TUSC3: variants seen among roughly 807,000 people sequenced by gnomAD.
TUSC3 encodes the protein tumor suppressor candidate 3, also known as dolichyl-diphosphooligosaccharide--protein glycosyltransferase subunit TUSC3.
A neutral mutation model predicts 44.8 loss-of-function variants in TUSC3; 45 were observed. The ratio of observed to expected loss-of-function variants is 1.00; its 90% CI spans 0.79 to 1.29. The LOEUF is 1.29. Among genes scored for constraint, TUSC3 ranks in the 50% most tolerant of loss-of-function variants. The probability of loss-of-function intolerance (pLI) is 0.00; values close to 1 mark genes in which losing one functional copy is unlikely to be tolerated. For missense variants in TUSC3, 519 were observed against 437.9 expected (o/e 1.19, Z -1.65); for synonymous variants, 212 against 152.9 (o/e 1.39, Z -2.85).
intron 6 of TUSC3, chr8:15,689,048 G>A (rs917050277): frequency 2.5e-5 from 8 of 319,686 alleles, no homozygotes; most frequent in South Asian, 2.8e-5. Flanking sequence ...GGGATGACTC[G>A]TCAATGTCAT....
chr8:15,665,381 A>G (rs1427822546), intron 5 of TUSC3, among the ~76,000 whole-genome samples: 1 of 151,522 alleles, frequency 6.6e-6, no homozygotes, highest in Non-Finnish European at 1.5e-5. Context: ...TCTTTTTATC[A>G]CTGAACCTAT....
intron 2 of TUSC3, among the ~76,000 whole-genome samples, chr8:15,642,702 A>G (rs1192212209): frequency 1.3e-5 from 2 of 152,064 alleles, no homozygotes; most frequent in African/African-American, 4.8e-5. Flanking sequence ...ATATATATGA[A>G]TTTACTTAAC....
At chr8:15,741,886 T>TAGAAAACTG in intron 7 of TUSC3, among the ~76,000 whole-genome samples, 1 of 152,208 alleles carries the variant, frequency 6.6e-6, no homozygotes, top group Non-Finnish European at 1.5e-5. Context: ...CTATCTGCTC[T>TAGAAAACTG]AGAAAACTGA....
At chr8:15,811,587 G>A in the TUSC3 span, among the ~76,000 whole-genome samples, 18,096 of 152,214 alleles carry the variant, frequency 0.12, 1,158 homozygotes, top group South Asian at 0.21. Flanking sequence ...TTGCAGAACA[G>A]GCACAAAGAA....
At chr8:15,665,468 T>C (rs1020025366) in intron 5 of TUSC3, among the ~76,000 whole-genome samples, 1 of 150,998 alleles carries the variant, frequency 6.6e-6, no homozygotes. Context: ...AAGGCTCATA[T>C]TTTTTTTGTC....
intron 1 of TUSC3, among the ~76,000 whole-genome samples, chr8:15,552,300 A>T (rs1424272431): frequency 6.6e-6 from 1 of 151,748 alleles, no homozygotes; most frequent in East Asian, 1.9e-4. Context: ...GTCAACAAAT[A>T]TTTATTGGTG....
At chr8:15,738,992 C>G (rs1454144574) in intron 7 of TUSC3, among the ~76,000 whole-genome samples, 1 of 151,664 alleles carries the variant, frequency 6.6e-6, no homozygotes, top group African/African-American at 2.4e-5. Context: ...GCCACCATGC[C>G]TGGCTAATTT....
intron 2 of TUSC3, among the ~76,000 whole-genome samples, 184 bp from the exon 3 acceptor site, chr8:15,650,513 A>G (rs1806842285): frequency 6.6e-6 from 1 of 152,180 alleles, no homozygotes; most frequent in African/African-American, 2.4e-5. Context: ...TCAGAATTTG[A>G]ATTTTATGTA....
At chr8:15,453,988 T>A (rs1053187560) in intron 1 of TUSC3, among the ~76,000 whole-genome samples, 1 of 152,182 alleles carries the variant, frequency 6.6e-6, no homozygotes, top group African/African-American at 2.4e-5. Context: ...AGAGATTAAC[T>A]GGTATATTAC....
intron 4 of TUSC3, among the ~76,000 whole-genome samples, chr8:15,660,597 A>G (rs753077746): frequency 2.0e-5 from 3 of 151,980 alleles, no homozygotes; most frequent in Admixed American, 1.3e-4. Context: ...AATTTTTACT[A>G]TAAGATATAA....
At chr8:15,782,483 A>T in the TUSC3 span, among the ~76,000 whole-genome samples, 6 of 152,296 alleles carry the variant, frequency 3.9e-5, no homozygotes, top group African/African-American at 1.4e-4. Flanking sequence ...TGTCTCAAGA[A>T]TAAAAGAAAA....
At chr8:15,568,671 T>C (rs1195178126) in intron 1 of TUSC3, among the ~76,000 whole-genome samples, 3 of 151,842 alleles carry the variant, frequency 2.0e-5, no homozygotes, top group African/African-American at 7.3e-5. Flanking sequence ...GGTATAATCT[T>C]AGCGCACTGC....
intron 6 of TUSC3, among the ~76,000 whole-genome samples, chr8:15,720,201 T>TATACACACAC (rs369753796): frequency 6.6e-4 from 94 of 141,694 alleles, no homozygotes; most frequent in East Asian, 2.1e-3. Flanking sequence ...TATATATATA[T>TATACACACAC]ACACACACAC....
At chr8:15,460,276 C>A (rs1202816224) in intron 1 of TUSC3, among the ~76,000 whole-genome samples, 1 of 152,010 alleles carries the variant, frequency 6.6e-6, no homozygotes, top group African/African-American at 2.4e-5. Flanking sequence ...ATTTGCAGTT[C>A]CCTGATTGTT....
At chr8:15,478,181 G>T (rs947504616) in intron 1 of TUSC3, among the ~76,000 whole-genome samples, 1 of 152,074 alleles carries the variant, frequency 6.6e-6, no homozygotes, top group Non-Finnish European at 1.5e-5. Flanking sequence ...GGCCAGGCTG[G>T]TCTCAAAGTC....
At chr8:15,451,935 A>G (rs936750120) in intron 1 of TUSC3, among the ~76,000 whole-genome samples, 5 of 152,098 alleles carry the variant, frequency 3.3e-5, no homozygotes, top group Non-Finnish European at 7.4e-5. Context: ...TTTTTTTGCT[A>G]TACAGTAGCA....
chr8:15,657,096 C>T lies in TUSC3; in HGVS notation c.427-2411C>T, dbSNP rs1391083495. Among the ~76,000 whole-genome samples the T allele has an allele frequency of 2.0e-5, 3 of 152,168 alleles. No individual in the cohort carries two copies. In the East Asian group the frequency reaches 5.8e-4, roughly 29 times the overall value. Reference sequence around the variant, plus strand: ...GCTCTGAAATGCCTTCAGGGTCTTTCTCCCATTTTCTTGATGAGTAATACC... The same window carrying T: ...GCTCTGAAATGCCTTCAGGGTCTTTTTCCCATTTTCTTGATGAGTAATACC... On this transcript the variant is annotated intron_variant, in intron 3 of 10. Coordinates refer to ENST00000503731, the MANE Select transcript of TUSC3 (RefSeq NM_006765.4).
chr8:15,626,121 T>C (rs2129165890), intron 2 of TUSC3, among the ~76,000 whole-genome samples: 1 of 152,244 alleles, frequency 6.6e-6, no homozygotes, highest in East Asian at 1.9e-4. Context: ...CTGTGCCCTG[T>C]GTCCCCAAGG....
chr8:15,485,031 G>T (rs765504492), intron 2 of TUSC3, among the ~76,000 whole-genome samples: 3 of 152,108 alleles, frequency 2.0e-5, no homozygotes, highest in South Asian at 2.1e-4. Flanking sequence ...GTCATCCTCT[G>T]CCCTAAGTGT....
Sources: gnomAD v4.1 joint callset for allele counts (sites outside exome capture counted in the v4.1 genomes callset) on GRCh38, gnomAD v4.1.1 for gene constraint, MANE v1.5 for transcripts, NCBI Gene and HGNC (gene_info 2026-07-23, HGNC 2026-07-21) for gene names.